The following FAM120B variants were observed in gnomAD, a reference collection of about 807,000 sequenced individuals.
The protein encoded by FAM120B is constitutive coactivator of peroxisome proliferator-activated receptor gamma.
A neutral mutation model predicts 96.3 loss-of-function variants in FAM120B; 83 were observed. The observed-to-expected ratio is 0.86, with a 90% confidence interval of 0.72 to 1.03. FAM120B has a LOEUF of 1.03. Among genes scored for constraint, FAM120B ranks in the 50% least tolerant of loss-of-function variants. The pLI is 0.00. For synonymous variants in FAM120B, 407 were observed against 402.7 expected, an observed-to-expected ratio of 1.01 and a Z score of -0.13; for missense variants, 1,027 against 1,121.2, an observed-to-expected ratio of 0.92 and a Z score of 1.20.
At chr6:170,340,931 T>C (rs977571925) in intron 4 of FAM120B, among the ~76,000 whole-genome samples, 8 of 152,228 alleles carry the variant, frequency 5.3e-5, no homozygotes, top group African/African-American at 1.9e-4. Flanking sequence ...CAACCCCTGC[T>C]GGGAGGTCTC....
chr6:170,398,963 T>C (rs868671296), intron 9 of FAM120B, among the ~76,000 whole-genome samples: 82 of 143,304 alleles, frequency 5.7e-4, no homozygotes, highest in African/African-American at 1.9e-3. Flanking sequence ...ATGTCATAAC[T>C]CTTAGGAGTG....
intron 6 of FAM120B, among the ~76,000 whole-genome samples, chr6:170,382,795 A>G (rs1273508222): frequency 6.6e-6 from 1 of 152,232 alleles, no homozygotes; most frequent in Non-Finnish European, 1.5e-5. Flanking sequence ...GCGCAAGATT[A>G]TTCTAAAATT....
chr6:170,299,705 G>A (rs562871132), intron 1 of FAM120B, among the ~76,000 whole-genome samples: 1 of 152,340 alleles, frequency 6.6e-6, no homozygotes, highest in Admixed American at 6.5e-5. Context: ...GGACACTTTT[G>A]GTTGTAACAG....
At chr6:170,395,639 G>A in intron 9 of FAM120B, 60 bp downstream of exon 9, 2 of 1,264,632 alleles carry the variant, frequency 1.6e-6, no homozygotes, top group Non-Finnish European at 2.3e-6. Context: ...CTCACCTTGT[G>A]CTTTTGCTGA....
At chr6:170,360,112 C>T (rs1157226999) in intron 6 of FAM120B, among the ~76,000 whole-genome samples, 1 of 152,142 alleles carries the variant, frequency 6.6e-6, no homozygotes, top group Non-Finnish European at 1.5e-5. Context: ...CAGAAAGGAA[C>T]CCTGGGTCCT....
At chr6:170,308,712 C>A (rs1784427379) in intron 1 of FAM120B, among the ~76,000 whole-genome samples, 1 of 152,184 alleles carries the variant, frequency 6.6e-6, no homozygotes, top group African/African-American at 2.4e-5. Flanking sequence ...TAGATCCCTG[C>A]AAAACTGGCT....
intron 9 of FAM120B, among the ~76,000 whole-genome samples, chr6:170,401,744 T>C (rs559602226): frequency 2.0e-5 from 3 of 152,342 alleles, no homozygotes; most frequent in African/African-American, 7.2e-5. Flanking sequence ...GAAATGCTCC[T>C]TGAAGCATTT....
chr6:170,317,953 G>C lies in FAM120B; in HGVS notation c.563G>C (p.Cys188Ser), dbSNP rs1226113160. ...EDTDYLIYDT[C>S]PYFSISELCL... Reference sequence around the variant, plus strand: ...ACTGATTACCTAATCTATGACACTTGTCCCTACTTTTCAATTAGCGAGCTC... The same window carrying C: ...ACTGATTACCTAATCTATGACACTTCTCCCTACTTTTCAATTAGCGAGCTC... Residue 188 changes from cysteine (C) to serine (S), a missense_variant, in exon 2 of 11, where the codon TGT becomes TCT. By Grantham distance (112) the Cys-to-Ser change is moderately radical (BLOSUM62 -1). Coordinates refer to ENST00000476287, the MANE Select transcript of FAM120B (RefSeq NM_032448.3). 4.3e-6 allele frequency: 7 copies of C among 1,614,072 alleles called. No homozygotes were observed. The South Asian group carries it at 7.7e-5, about 18-fold the overall frequency.
chr6:170,290,963 C>T (rs1783852667), upstream of FAM120B: 2 of 700,698 alleles, frequency 2.9e-6, no homozygotes. The surrounding 1 kb of genome is among the most constrained non-coding windows in gnomAD (Gnocchi z 4.7). Flanking sequence ...TTATATTCAG[C>T]CGGCCGCCCG....
At chr6:170,361,216 A>ACGTG (rs577146615) in intron 6 of FAM120B, among the ~76,000 whole-genome samples, 9,040 of 106,766 alleles carry the variant, frequency 0.085, 816 homozygotes, top group African/African-American at 0.14. Flanking sequence ...ATATATATAT[A>ACGTG]TATATATATA....
chr6:170,385,789 T>C (rs1285408715), intron 6 of FAM120B, among the ~76,000 whole-genome samples: 7 of 152,288 alleles, frequency 4.6e-5, no homozygotes, highest in Admixed American at 2.6e-4. Flanking sequence ...AGTGGAATGT[T>C]ATTCAGTACT....
chr6:170,329,545 C>T (rs985098524), intron 3 of FAM120B, among the ~76,000 whole-genome samples: 7 of 152,106 alleles, frequency 4.6e-5, no homozygotes, highest in African/African-American at 1.7e-4. Flanking sequence ...GCTGATAATG[C>T]CAGCTGCAAA....
In FAM120B at chr6:170,295,970, G is replaced by A. The variant is rs12200136; in HGVS notation, c.48+517G>A. ...CCGGCGCAGATGACGGCTCGGCAGC[G>A]GGCCCCCGCCCCCTCCTCTGCGCCG... is the stretch of plus-strand genomic sequence containing the variant. On this transcript the variant is annotated intron_variant, in intron 1 of 10. Coordinates refer to the FAM120B transcript ENST00000537664. The surrounding 1 kb of genome is among the most constrained non-coding windows in gnomAD (Gnocchi z 7.8). Among the ~76,000 whole-genome samples, 7,390 of 152,004 alleles carry A rather than the reference G, an allele frequency of 0.049. 249 individuals are homozygous for A. The highest frequency in any genetic ancestry group is 0.066 in the Non-Finnish European group (4,462 of 67,914).
rs372468521 is a variant in FAM120B, at chr6:170,361,196, G to GTGTA, written c.2283+2880_2283+2883dup. 1.7e-4 allele frequency among the ~76,000 whole-genome samples: 5 copies of GTGTA among 29,738 alleles called. No homozygotes were observed. The South Asian group carries it at 2.9e-3, about 17-fold the overall frequency. 19.5% of individuals were successfully genotyped at this position (29,738 alleles called of 152,430 possible). ...TAGCCTTAAAACTATATATATATAC[G>GTGTA]TGTATATATATATATATATATATAT... On this transcript the variant is annotated intron_variant, in intron 6 of 10. Coordinates refer to ENST00000476287, the MANE Select transcript of FAM120B (RefSeq NM_032448.3).
At chr6:170,304,900 G>T (rs1478109597), upstream of FAM120B, among the ~76,000 whole-genome samples, 3 of 152,154 alleles carry the variant, frequency 2.0e-5, no homozygotes, top group Admixed American at 6.5e-5. Context: ...CATAGACTGG[G>T]TTTAGAAATT....
chr6:170,360,796 T>A (rs561412464), intron 6 of FAM120B, among the ~76,000 whole-genome samples: 1 of 151,996 alleles, frequency 6.6e-6, no homozygotes, highest in Non-Finnish European at 1.5e-5. Flanking sequence ...GAACAGAAAG[T>A]GAGTTTCGTT....
rs532115893 is a variant in FAM120B, at chr6:170,365,081, T to A, written c.2283+6763T>A. The stretch of plus-strand genomic sequence containing the variant: ...AAGGGCGTGGTGTGCCTGGGGCACG[T>A]ACTCCTGCCGAAACCCCCAGTCAGG... On this transcript the variant is annotated intron_variant, in intron 6 of 10. Coordinates refer to ENST00000476287, the MANE Select transcript of FAM120B (RefSeq NM_032448.3). Among the ~76,000 whole-genome samples, 4 of 152,354 alleles carry A rather than the reference T, an allele frequency of 2.6e-5. No individual in the cohort carries two copies. In the South Asian group the frequency reaches 8.3e-4, roughly 32 times the overall value.
chr6:170,388,221 T>G, intron 6 of FAM120B, 66 bp from the exon 7 acceptor site: 118 of 1,361,964 alleles, frequency 8.7e-5, no homozygotes, highest in Non-Finnish European at 1.1e-4. Context: ...TTTGCAGAGC[T>G]GAGATCTGTT....
At chr6:170,339,113 C>T (rs1259594040) in intron 4 of FAM120B, among the ~76,000 whole-genome samples, 1 of 152,054 alleles carries the variant, frequency 6.6e-6, no homozygotes, top group African/African-American at 2.4e-5. Flanking sequence ...TGTCAATGGT[C>T]TTTATTTTTT....
Sources: gnomAD v4.1 joint callset for allele counts (sites outside exome capture counted in the v4.1 genomes callset) on GRCh38, gnomAD v4.1.1 for gene constraint, Gnocchi (gnomAD v3.1) non-coding constraint, MANE v1.5 for transcripts, NCBI Gene and HGNC (gene_info 2026-07-23, HGNC 2026-07-21) for gene names.